ADGRV1: variants seen among roughly 807,000 people sequenced by gnomAD.
ADGRV1 encodes the protein G-protein coupled receptor 98.
A neutral mutation model predicts 596.2 loss-of-function variants in ADGRV1; 359 were observed. The ratio of observed to expected loss-of-function variants is 0.60; its 90% CI spans 0.55 to 0.66. ADGRV1 has a LOEUF of 0.66. Ranked by LOEUF, ADGRV1 falls within the 30% of genes least tolerant of loss-of-function variation. The pLI, the probability that ADGRV1 is intolerant of heterozygous loss-of-function variation, is 0.00. For missense variants in ADGRV1, 7,274 were observed against 7,575.6 expected, an observed-to-expected ratio of 0.96 and a Z score of 1.48; for synonymous variants, 2,681 against 2,679.2, an observed-to-expected ratio of 1.00 and a Z score of -0.02.
At position 90,810,182 on chromosome 5, in the gene ADGRV1, A is replaced by G. The variant is rs1195492544; in HGVS notation, c.14973-51A>G. On this transcript the variant is annotated intron_variant, in intron 73 of 89. Coordinates refer to ENST00000405460, the MANE Select transcript of ADGRV1 (RefSeq NM_032119.4). Reference sequence around the variant, plus strand: ...GTGAATGATGAATCTCTACAGTCATATTCCTATTTTTTAAAAAATCAATTT... The same window carrying G: ...GTGAATGATGAATCTCTACAGTCATGTTCCTATTTTTTAAAAAATCAATTT... 7 of 1,391,532 alleles carry G rather than the reference A, an allele frequency of 5.0e-6. No homozygotes were observed. The African/African-American group carries it at 8.7e-5, about 17-fold the overall frequency. 86.2% of individuals were successfully genotyped at this position (1,391,532 alleles called of 1,614,324 possible).
chr5:90,756,460 C>A lies in ADGRV1; in HGVS notation c.11587C>A (p.Leu3863Ile). 1 of 1,508,184 alleles carries A rather than the reference C, an allele frequency of 6.6e-7. No individual in the cohort carries two copies. Among genetic ancestry groups the A allele is most frequent in the Non-Finnish European group, 8.9e-7 (1 of 1,124,702 alleles). The allele number at this position is 1,508,184 out of a possible 1,614,324, so 93.4% of individuals were successfully genotyped here. ...TTTTTCCCCCATCCCCCAGGATGAC[C>A]TTCCTGAATTGGAGGAAGGATTTAT... ...HAEVSILPDD[L>I]PELEEGFIVT... Residue 3863 changes from leucine to isoleucine, a missense_variant, in exon 56 of 90, where the codon CTT becomes ATT. This residue lies in a region of ADGRV1 where 3,643 missense variants were observed against 3,809.2 expected (regional missense o/e 0.96). Transcript: ENST00000405460.
At chr5:90,647,018 C>T (rs1203266229) in intron 16 of ADGRV1, among the ~76,000 whole-genome samples, 4 of 152,032 alleles carry the variant, frequency 2.6e-5, no homozygotes, top group South Asian at 2.1e-4. Context: ...GTGATCTGCC[C>T]GCCTTGGCCT....
intron 83 of ADGRV1, among the ~76,000 whole-genome samples, chr5:90,954,186 T>A (rs953479569): frequency 1.4e-4 from 20 of 145,356 alleles, no homozygotes; most frequent in Non-Finnish European, 2.7e-4. Context: ...TTTTTTTTTT[T>A]AACATCCTAT....
At chr5:91,149,406 A>G (rs780067802) in intron 87 of ADGRV1, among the ~76,000 whole-genome samples, 2 of 152,150 alleles carry the variant, frequency 1.3e-5, no homozygotes, top group Non-Finnish European at 2.9e-5. Context: ...AGCGTCTGGC[A>G]TTTCCCCTCC....
At position 90,815,608 on chromosome 5, in the gene ADGRV1, CT is replaced by C. The variant is rs1561790154; in HGVS notation, c.16079-4del. Reference sequence around the variant, plus strand: ...CTTGAATATATTATAGCCCTCCATTCTTTTTTTCAGGGAGTGACCTTCACAA... The same window carrying C: ...CTTGAATATATTATAGCCCTCCATTCTTTTTTCAGGGAGTGACCTTCACAA... On this transcript the variant is annotated splice_polypyrimidine_tract_variant and intron_variant, in intron 74 of 89. Coordinates refer to ENST00000405460, the MANE Select transcript of ADGRV1 (RefSeq NM_032119.4). 7.6e-6 allele frequency: 11 copies of C among 1,442,264 alleles called. No individual in the cohort carries two copies. The highest frequency in any genetic ancestry group is 1.9e-5 in the Admixed American group (1 of 51,412). The allele number at this position is 1,442,264 out of a possible 1,614,324, so 89.3% of individuals were successfully genotyped here.
intron 1 of ADGRV1, among the ~76,000 whole-genome samples, chr5:90,590,000 T>G (rs1561338928): frequency 6.6e-6 from 1 of 152,174 alleles, no homozygotes; most frequent in Non-Finnish European, 1.5e-5. Context: ...ATGTAAAATA[T>G]TCCATTTTAG....
intron 89 of ADGRV1, among the ~76,000 whole-genome samples, chr5:91,158,770 A>T (rs564898640): frequency 3.3e-5 from 5 of 152,252 alleles, no homozygotes; most frequent in Non-Finnish European, 5.9e-5. Flanking sequence ...AAAAACCAGG[A>T]TTCATCTCAG....
intron 1 of ADGRV1, among the ~76,000 whole-genome samples, chr5:90,610,262 C>T (rs756845849): frequency 1.1e-4 from 16 of 151,668 alleles, no homozygotes; most frequent in South Asian, 2.1e-4. Context: ...TTATGGGCTA[C>T]GTAATCCAGG....
intron 77 of ADGRV1, among the ~76,000 whole-genome samples, chr5:90,832,981 A>G (rs927434697): frequency 2.0e-5 from 3 of 152,154 alleles, no homozygotes; most frequent in East Asian, 1.9e-4. Flanking sequence ...TTATGCCAGT[A>G]CCATGCTGTT....
At chr5:90,597,912 T>G (rs1056269039) in intron 1 of ADGRV1, among the ~76,000 whole-genome samples, 1 of 152,212 alleles carries the variant, frequency 6.6e-6, no homozygotes, top group African/African-American at 2.4e-5. Flanking sequence ...GGAAGGGAAA[T>G]AAAATCTTTT....
chr5:90,862,255 A>C (rs541497693), intron 82 of ADGRV1, among the ~76,000 whole-genome samples: 1 of 152,284 alleles, frequency 6.6e-6, no homozygotes, highest in Admixed American at 6.5e-5. Flanking sequence ...TCACATTGTC[A>C]TCCTCTACCA....
At chr5:90,849,003 AT>A (rs1196074905) in intron 79 of ADGRV1, among the ~76,000 whole-genome samples, 182 bp downstream of exon 79, 8 of 152,248 alleles carry the variant, frequency 5.3e-5, no homozygotes, top group Non-Finnish European at 1.2e-4. Flanking sequence ...CATCAAAAAA[AT>A]AAATGTATAC....
intron 85 of ADGRV1, among the ~76,000 whole-genome samples, chr5:91,047,127 A>G (rs145881846): frequency 8.2e-4 from 125 of 152,328 alleles, no homozygotes; most frequent in Non-Finnish European, 1.3e-3. Flanking sequence ...AGAATAAAAT[A>G]GTACTGATCT....
intron 84 of ADGRV1, among the ~76,000 whole-genome samples, chr5:90,982,020 CA>C (rs1780115881): frequency 6.6e-6 from 1 of 152,140 alleles, no homozygotes; most frequent in African/African-American, 2.4e-5. Context: ...CCCAGGACTT[CA>C]AGGCTGCAGT....
chr5:90,652,156 G>T (rs938559195), intron 18 of ADGRV1, among the ~76,000 whole-genome samples, 190 bp from the exon 19 acceptor site: 6 of 152,066 alleles, frequency 3.9e-5, no homozygotes, highest in Non-Finnish European at 8.8e-5. Flanking sequence ...TTTTATGACT[G>T]TTTCTCTTTT....
At chr5:90,837,466 G>T (rs958722399) in intron 77 of ADGRV1, among the ~76,000 whole-genome samples, 1 of 151,312 alleles carries the variant, frequency 6.6e-6, no homozygotes, top group Non-Finnish European at 1.5e-5. Context: ...TGCCTCCTGG[G>T]TTCAAGCTAT....
At chr5:90,564,299 C>T (rs566102204) in intron 1 of ADGRV1, among the ~76,000 whole-genome samples, 1 of 152,278 alleles carries the variant, frequency 6.6e-6, no homozygotes, top group South Asian at 2.1e-4. Context: ...CTTGTTCCTT[C>T]TCTGGCAGAC....
intron 85 of ADGRV1, among the ~76,000 whole-genome samples, chr5:91,011,225 G>A (rs1055686170): frequency 1.1e-4 from 16 of 151,848 alleles, no homozygotes; most frequent in Admixed American, 5.3e-4. Flanking sequence ...TGAAAAACTT[G>A]GCAACTATCC....
At chr5:90,603,656 G>T (rs1761702378) in intron 1 of ADGRV1, among the ~76,000 whole-genome samples, 1 of 152,072 alleles carries the variant, frequency 6.6e-6, no homozygotes, top group South Asian at 2.1e-4. Flanking sequence ...GCAGAGACTA[G>T]ATTGGAGCCC....
Sources: allele counts gnomAD v4.1 joint callset (sites outside exome capture counted in the v4.1 genomes callset), GRCh38; gene constraint gnomAD v4.1.1; regional missense constraint gnomAD v4.1.1; transcripts MANE v1.5; gene names NCBI Gene and HGNC (gene_info 2026-07-23, HGNC 2026-07-21).